The following FYN variants were observed in gnomAD, a reference collection of about 807,000 sequenced individuals.
FYN encodes the protein FYN proto-oncogene, Src family tyrosine kinase, also known as tyrosine-protein kinase Fyn.
FYN carries 10 observed loss-of-function variants against 70.2 expected under a neutral mutation model. The ratio of observed to expected loss-of-function variants is 0.14; its 90% CI spans 0.09 to 0.24. FYN has a LOEUF of 0.24. FYN is among the 10% of genes least tolerant of loss of function. The pLI, the probability that FYN is intolerant of heterozygous loss-of-function variation, is 1.00. For missense variants in FYN, 319 were observed against 673.1 expected (o/e 0.47, Z 5.82); for synonymous variants, 236 against 248.6 (o/e 0.95, Z 0.48).
chr6:111,785,553 G>A (rs1041224746), intron 2 of FYN, among the ~76,000 whole-genome samples: 1 of 152,174 alleles, frequency 6.6e-6, no homozygotes, highest in African/African-American at 2.4e-5. Context: ...CAGCTGGGAA[G>A]GATTTAGCAG....
At chr6:111,706,977 G>A (rs541809421) in intron 6 of FYN, among the ~76,000 whole-genome samples, 1 of 152,296 alleles carries the variant, frequency 6.6e-6, no homozygotes, top group South Asian at 2.1e-4. Context: ...AAATACAAAG[G>A]AATTAAAGAA....
At chr6:111,712,124 G>A (rs1375546096) in intron 5 of FYN, among the ~76,000 whole-genome samples, 1 of 152,168 alleles carries the variant, frequency 6.6e-6, no homozygotes, top group African/African-American at 2.4e-5. Context: ...ATTAACAAAG[G>A]AAGAAGCCAT....
chr6:111,809,563 C>G (rs1455589790), intron 2 of FYN, among the ~76,000 whole-genome samples: 2 of 152,144 alleles, frequency 1.3e-5, no homozygotes, highest in Non-Finnish European at 2.9e-5. Flanking sequence ...AACCACAGAA[C>G]ATGAACCTTA....
intron 1 of FYN, among the ~76,000 whole-genome samples, chr6:111,856,085 C>T (rs1018339120): frequency 6.6e-6 from 1 of 151,998 alleles, no homozygotes; most frequent in African/African-American, 2.4e-5. Flanking sequence ...TTGAAAGGAC[C>T]ACAGAGAAAC....
intron 5 of FYN, 105 bp downstream of exon 5, chr6:111,714,242 A>G: frequency 1.4e-6 from 1 of 724,460 alleles, no homozygotes; most frequent in Non-Finnish European, 2.4e-6. Flanking sequence ...AATTTAGCAA[A>G]TGTTCTTTTA....
At chr6:111,717,454 G>A (rs1375174365) in intron 4 of FYN, among the ~76,000 whole-genome samples, 1 of 151,798 alleles carries the variant, frequency 6.6e-6, no homozygotes, top group Non-Finnish European at 1.5e-5. Flanking sequence ...AAATGACAGG[G>A]AGCCCACTTT....
At chr6:111,864,323 C>T (rs1774045120) in intron 1 of FYN, among the ~76,000 whole-genome samples, 1 of 152,222 alleles carries the variant, frequency 6.6e-6, no homozygotes, top group Non-Finnish European at 1.5e-5. Flanking sequence ...CCAGCTCTGT[C>T]ACTTACTCTG....
chr6:111,678,944 C>T (rs1236926570), intron 12 of FYN, among the ~76,000 whole-genome samples: 1 of 152,166 alleles, frequency 6.6e-6, no homozygotes, highest in Non-Finnish European at 1.5e-5. Context: ...ATTCACTACC[C>T]TTCCTCTAGT....
intron 4 of FYN, among the ~76,000 whole-genome samples, chr6:111,714,994 A>G (rs1303503481): frequency 6.6e-6 from 1 of 152,208 alleles, no homozygotes; most frequent in Non-Finnish European, 1.5e-5. Context: ...TGGCATCTGC[A>G]GTTCATTTTG....
intron 1 of FYN, among the ~76,000 whole-genome samples, chr6:111,859,043 T>C (rs575808081): frequency 1.6e-4 from 25 of 152,210 alleles, no homozygotes; most frequent in African/African-American, 5.3e-4. Context: ...CAGCATCATT[T>C]TGGAACTCTC....
chr6:111,855,119 C>G (rs1427921252), intron 1 of FYN, among the ~76,000 whole-genome samples: 2 of 152,012 alleles, frequency 1.3e-5, no homozygotes, highest in Non-Finnish European at 2.9e-5. Flanking sequence ...AAAACTTCAC[C>G]AAGAGTTAAA....
chr6:111,821,466 C>T (rs1342567504), intron 2 of FYN, among the ~76,000 whole-genome samples: 2 of 152,106 alleles, frequency 1.3e-5, no homozygotes, highest in African/African-American at 2.4e-5. Flanking sequence ...TTCCTTACAC[C>T]TTATACAAAA....
At chr6:111,662,466 AG>A (rs2128396450) in intron 13 of FYN, among the ~76,000 whole-genome samples, 1 of 152,308 alleles carries the variant, frequency 6.6e-6, no homozygotes, top group South Asian at 2.1e-4. Flanking sequence ...AAACAAACAC[AG>A]GTTGGGAGCC....
intron 2 of FYN, among the ~76,000 whole-genome samples, chr6:111,846,318 A>G (rs1484459767): frequency 1.3e-5 from 2 of 152,324 alleles, no homozygotes; most frequent in East Asian, 1.9e-4. Context: ...GGTGGGAGCC[A>G]TAACTTATAG....
At chr6:111,861,440 G>C (rs540171960) in intron 1 of FYN, among the ~76,000 whole-genome samples, 1 of 152,286 alleles carries the variant, frequency 6.6e-6, no homozygotes, top group African/African-American at 2.4e-5. Flanking sequence ...TAGCGGGGAG[G>C]TGGCAGAAAA....
At chr6:111,871,710 A>G (rs1253976602) in intron 1 of FYN, among the ~76,000 whole-genome samples, 1 of 152,126 alleles carries the variant, frequency 6.6e-6, no homozygotes. Context: ...AATCTACTCT[A>G]CCCCAGCTCT....
At chr6:111,782,998 G>T (rs568964062) in intron 2 of FYN, among the ~76,000 whole-genome samples, 46 of 152,294 alleles carry the variant, frequency 3.0e-4, no homozygotes, top group Non-Finnish European at 6.0e-4. Flanking sequence ...ATCTTGGGAA[G>T]GTCTACTCAG....
chr6:111,826,680 A>C (rs1218741820), intron 2 of FYN, among the ~76,000 whole-genome samples: 1 of 152,176 alleles, frequency 6.6e-6, no homozygotes, highest in Non-Finnish European at 1.5e-5. Context: ...ACATTATTTT[A>C]GTTTTGCATA....
At chr6:111,729,708 C>T (rs759943136) in intron 3 of FYN, among the ~76,000 whole-genome samples, 2 of 152,116 alleles carry the variant, frequency 1.3e-5, no homozygotes, top group Admixed American at 6.5e-5. Context: ...CTGAAATTAT[C>T]AGCAATATGG....
Sources: allele counts gnomAD v4.1 joint callset (sites outside exome capture counted in the v4.1 genomes callset), GRCh38; gene constraint gnomAD v4.1.1; transcripts MANE v1.5; gene names NCBI Gene and HGNC (gene_info 2026-07-23, HGNC 2026-07-21).